The following ERICH1 variants were observed in gnomAD, a reference collection of about 807,000 sequenced individuals.
ERICH1 encodes glutamate rich 1, also known as glutamate-rich protein 1.
A neutral mutation model predicts 39.6 loss-of-function variants in ERICH1; 56 were observed. The ratio of observed to expected loss-of-function variants is 1.41; its 90% confidence interval spans 1.14 to 1.77. The LOEUF is 1.77. Among genes scored for constraint, ERICH1 ranks in the 40% most tolerant of loss-of-function variants. The pLI is 0.00. For synonymous variants in ERICH1, 313 were observed against 223.6 expected (o/e 1.40, Z -3.57); for missense variants, 826 against 575.4 (o/e 1.44, Z -4.45).
intron 1 of ERICH1, among the ~76,000 whole-genome samples, chr8:726,678 C>A (rs1307743422): frequency 7.0e-6 from 1 of 141,948 alleles, no homozygotes; most frequent in Admixed American, 6.7e-5. Context: ...GACGTGTACA[C>A]AGGCACATCA....
intron 2 of ERICH1, among the ~76,000 whole-genome samples, chr8:696,434 A>G (rs541569915): frequency 0.014 from 36 of 2,634 alleles, no homozygotes; most frequent in East Asian, 0.016. Context: ...ATCAGCCTGC[A>G]CTCGCTCCTC....
In ERICH1 at chr8:708,687, T is replaced by TG. The variant is rs1245939471; in HGVS notation, c.169+7173_169+7174insC. ...AGTGGTTACGGGATAATGAGTTTTT[T>TG]TTTTTTTTTTTTTTTTTTTTTTTTG... On this transcript the variant is annotated intron_variant, in intron 2 of 5. Transcript: ENST00000262109. Among the ~76,000 whole-genome samples, 163 of 51,038 alleles carry TG rather than the reference T, an allele frequency of 3.2e-3. 3 individuals are homozygous for TG. The highest frequency in any genetic ancestry group is 8.1e-3 in the East Asian group (9 of 1,110). 33.5% of individuals were successfully genotyped at this position (51,038 alleles called of 152,430 possible).
chr8:698,309 C>T (rs1810857398), intron 2 of ERICH1, among the ~76,000 whole-genome samples: 1 of 151,892 alleles, frequency 6.6e-6, no homozygotes, highest in African/African-American at 2.4e-5. Flanking sequence ...ACTTCTGCCT[C>T]CCAGGTTCCA....
At chr8:618,123 C>G (rs1189352074) in intron 3 of ERICH1, among the ~76,000 whole-genome samples, 1 of 150,586 alleles carries the variant, frequency 6.6e-6, no homozygotes, top group Non-Finnish European at 1.5e-5. Context: ...GTGCTCACTA[C>G]TCAGTGTTCC....
intron 3 of ERICH1, among the ~76,000 whole-genome samples, chr8:682,126 G>A: frequency 6.6e-6 from 1 of 151,638 alleles, no homozygotes; most frequent in East Asian, 1.9e-4. Flanking sequence ...ACCCCATTGT[G>A]GTGGTCCCTG....
intron 3 of ERICH1, among the ~76,000 whole-genome samples, chr8:683,783 G>C (rs896467022): frequency 2.0e-5 from 3 of 152,214 alleles, no homozygotes; most frequent in African/African-American, 7.2e-5. Context: ...CAAAGGAAAG[G>C]TTGGTTTTCC....
chr8:627,291 A>C (rs750861584), intron 3 of ERICH1: 20 of 444,610 alleles, frequency 4.5e-5, no homozygotes, highest in Non-Finnish European at 9.2e-5. Flanking sequence ...AGGGGTGTAT[A>C]ACAGGCCAGG....
At chr8:717,569 T>G (rs929043342) in intron 1 of ERICH1, among the ~76,000 whole-genome samples, 2 of 152,156 alleles carry the variant, frequency 1.3e-5, no homozygotes, top group African/African-American at 4.8e-5. Context: ...ACCAAGCTGG[T>G]GATGAGCAGA....
At chr8:715,512 C>A (rs1815717220) in intron 2 of ERICH1, among the ~76,000 whole-genome samples, 1 of 152,236 alleles carries the variant, frequency 6.6e-6, no homozygotes, top group Non-Finnish European at 1.5e-5. Context: ...GCCAAGGGGG[C>A]CACCACAGTG....
chr8:657,378 G>A (rs1157122799), intron 3 of ERICH1, among the ~76,000 whole-genome samples: 1 of 151,990 alleles, frequency 6.6e-6, no homozygotes, highest in Non-Finnish European at 1.5e-5. Flanking sequence ...TCTCTGGTCG[G>A]AAGGGAGGTT....
At chr8:634,123 T>C (rs1214694064) in intron 3 of ERICH1, among the ~76,000 whole-genome samples, 1 of 124,656 alleles carries the variant, frequency 8.0e-6, no homozygotes, top group Non-Finnish European at 1.6e-5. Context: ...ATCATGCATC[T>C]AGTAAGGGGT....
At chr8:635,574 T>C (rs551238565) in intron 3 of ERICH1, among the ~76,000 whole-genome samples, 1 of 152,182 alleles carries the variant, frequency 6.6e-6, no homozygotes, top group South Asian at 2.1e-4. Context: ...GACCTGGACG[T>C]AGTGGCCAGC....
At chr8:665,647 T>G (rs1802098516) in intron 5 of ERICH1, among the ~76,000 whole-genome samples, 2 of 152,176 alleles carry the variant, frequency 1.3e-5, no homozygotes, top group South Asian at 4.1e-4. Flanking sequence ...CAGTGCACGG[T>G]GGGAGGAACA....
chr8:677,123 C>A (rs758262069), intron 3 of ERICH1, among the ~76,000 whole-genome samples: 1 of 152,240 alleles, frequency 6.6e-6, no homozygotes, highest in African/African-American at 2.4e-5. Context: ...GGGTGAGCTC[C>A]GGGCTCTTCG....
At chr8:628,658 G>A (rs758545485) in intron 3 of ERICH1, among the ~76,000 whole-genome samples, 33 of 152,294 alleles carry the variant, frequency 2.2e-4, no homozygotes, top group Admixed American at 1.1e-3. Context: ...ATGCGGGTTC[G>A]CAACACAAAG....
chr8:698,407 C>T (rs770800931), intron 2 of ERICH1, among the ~76,000 whole-genome samples: 3 of 151,896 alleles, frequency 2.0e-5, no homozygotes, highest in South Asian at 2.1e-4. Flanking sequence ...TTAGTAGAGA[C>T]AGGGTTTCAC....
At chr8:713,956 C>G (rs1024055324) in intron 2 of ERICH1, among the ~76,000 whole-genome samples, 6 of 144,304 alleles carry the variant, frequency 4.2e-5, no homozygotes. Flanking sequence ...TGCACCCAGG[C>G]GGCCTCTTCT....
At chr8:636,165 C>T (rs182647898) in intron 3 of ERICH1, among the ~76,000 whole-genome samples, 29 of 152,328 alleles carry the variant, frequency 1.9e-4, no homozygotes, top group African/African-American at 6.7e-4. Context: ...ATCCCTGCGC[C>T]CCGGCCACCT....
At chr8:728,692 G>A (rs560585607) in intron 1 of ERICH1, among the ~76,000 whole-genome samples, 4 of 152,198 alleles carry the variant, frequency 2.6e-5, no homozygotes, top group African/African-American at 7.2e-5. Context: ...TTCATGGTCG[G>A]AGCTGCACAG....
Sources: allele counts gnomAD v4.1 joint callset (sites outside exome capture counted in the v4.1 genomes callset), GRCh38; gene constraint gnomAD v4.1.1; transcripts MANE v1.5; gene names NCBI Gene and HGNC (gene_info 2026-07-23, HGNC 2026-07-21).